The following ADRA1B variants were observed in gnomAD, a reference collection of about 807,000 sequenced individuals.
The protein encoded by ADRA1B is adrenoceptor alpha 1B, also known as alpha-1B adrenergic receptor.
A neutral mutation model predicts 17.9 loss-of-function variants in ADRA1B; 17 were observed. The ratio of observed to expected loss-of-function variants is 0.95; its 90% CI spans 0.65 to 1.42. The LOEUF (loss-of-function observed/expected upper bound fraction) is 1.42. ADRA1B is among the 40% of genes most tolerant of loss of function. The pLI, the probability that ADRA1B is intolerant of heterozygous loss-of-function variation, is 0.00. For synonymous variants in ADRA1B, 366 were observed against 327.6 expected (o/e 1.12, Z -1.27); for missense variants, 681 against 722.1 (o/e 0.94, Z 0.65).
chr5:159,883,920 A>C (rs959418775), intron 1 of ADRA1B, among the ~76,000 whole-genome samples: 28 of 152,160 alleles, frequency 1.8e-4, no homozygotes, highest in African/African-American at 6.5e-4. Context: ...TATCTACACT[A>C]TGAGGCAATA....
Position 159,972,691 on chromosome 5 carries a change from A to C in ADRA1B, c.*199A>C. 1.6e-6 allele frequency: 1 copy of C among 630,042 alleles called. No individual in the cohort carries two copies. The highest frequency in any genetic ancestry group is 3.8e-5 in the Admixed American group (1 of 26,204). The allele number at this position is 630,042 out of a possible 1,614,324, so 39.0% of individuals were successfully genotyped here. A position where few individuals can be genotyped will look rare whatever the true frequency, so the allele number is the denominator to read the frequency against. On this transcript the variant is annotated 3_prime_UTR_variant, in exon 2 of 2. Transcript: ENST00000306675. ...AGGTACCACGCGGAAAGCCGGGCCG[A>C]GCATGCTGAGAGCCTGGGGGACCCG...
upstream of ADRA1B, among the ~76,000 whole-genome samples, chr5:159,912,942 A>G (rs1203265194): frequency 2.0e-5 from 3 of 152,226 alleles, no homozygotes; most frequent in Admixed American, 6.5e-5. Context: ...GGTACTTAGC[A>G]TGGTGCTTAC....
At chr5:159,967,037 C>T (rs562252098) in intron 1 of ADRA1B, among the ~76,000 whole-genome samples, 1 of 152,276 alleles carries the variant, frequency 6.6e-6, no homozygotes, top group East Asian at 1.9e-4. Flanking sequence ...TGCAGTATGA[C>T]CCCATTTTTT....
chr5:159,886,908 G>C (rs978408414), intron 1 of ADRA1B, among the ~76,000 whole-genome samples: 2 of 152,090 alleles, frequency 1.3e-5, no homozygotes, highest in African/African-American at 4.8e-5. Context: ...TGGTTGTGGG[G>C]ATTAGATATG....
At chr5:159,942,453 T>C (rs1297979966) in intron 1 of ADRA1B, among the ~76,000 whole-genome samples, 4 of 152,204 alleles carry the variant, frequency 2.6e-5, no homozygotes, top group Non-Finnish European at 5.9e-5. Flanking sequence ...CTCTCACACA[T>C]TCATACAGTG....
chr5:159,937,425 C>G (rs1484305827), intron 1 of ADRA1B, among the ~76,000 whole-genome samples: 1 of 151,238 alleles, frequency 6.6e-6, no homozygotes, highest in Admixed American at 6.6e-5. Flanking sequence ...ATGCCAGATC[C>G]TAGCCTCTCT....
chr5:159,894,766 G>A (rs1754024109), intron 1 of ADRA1B, among the ~76,000 whole-genome samples: 2 of 152,184 alleles, frequency 1.3e-5, no homozygotes, highest in South Asian at 2.1e-4. Context: ...CCCCTCACAC[G>A]CATTCTCTCG....
chr5:159,892,177 C>T (rs1433045907), intron 1 of ADRA1B, among the ~76,000 whole-genome samples: 1 of 152,172 alleles, frequency 6.6e-6, no homozygotes, highest in African/African-American at 2.4e-5. Context: ...GTGGAGGTTG[C>T]AGTGAGCTGA....
chr5:159,886,137 A>G (rs1057045880), intron 1 of ADRA1B, among the ~76,000 whole-genome samples: 8 of 152,224 alleles, frequency 5.3e-5, no homozygotes, highest in Admixed American at 2.0e-4. Context: ...TGCTTAAGTA[A>G]TGGTGATGAT....
chr5:159,876,017 C>T (rs1263165795), intron 1 of ADRA1B, among the ~76,000 whole-genome samples: 1 of 151,956 alleles, frequency 6.6e-6, no homozygotes. Context: ...GGTAAAACCC[C>T]ATCTCTACTA....
At chr5:159,969,511 TC>T (rs1314721093) in intron 1 of ADRA1B, among the ~76,000 whole-genome samples, 3 of 152,220 alleles carry the variant, frequency 2.0e-5, no homozygotes, top group African/African-American at 7.2e-5. Flanking sequence ...CTCAGAGATT[TC>T]CAGCTACTCT....
chr5:159,890,761 T>A (rs1384230096), intron 1 of ADRA1B, among the ~76,000 whole-genome samples: 4 of 152,198 alleles, frequency 2.6e-5, no homozygotes, highest in African/African-American at 4.8e-5. Context: ...TTCTACCACA[T>A]TCTATTGGTC....
chr5:159,924,643 C>T (rs1368504041), intron 1 of ADRA1B, among the ~76,000 whole-genome samples: 1 of 152,146 alleles, frequency 6.6e-6, no homozygotes, highest in African/African-American at 2.4e-5. Context: ...GCACCCACCC[C>T]TGCTGGAGCA....
At chr5:159,971,856 G>GGGGGCC in intron 1 of ADRA1B, 23 bp from the exon 2 acceptor site, 1 of 1,306,262 alleles carries the variant, frequency 7.7e-7, no homozygotes, top group Non-Finnish European at 9.8e-7. Context: ...TTCTGCCCGT[G>GGGGGCC]CCCACCCCCC....
At chr5:159,941,914 G>A (rs908421682) in intron 1 of ADRA1B, among the ~76,000 whole-genome samples, 1 of 147,878 alleles carries the variant, frequency 6.8e-6, no homozygotes, top group African/African-American at 2.5e-5. Context: ...ATGGGTACTG[G>A]GTTTCTTTTT....
intron 1 of ADRA1B, among the ~76,000 whole-genome samples, chr5:159,903,191 C>T (rs1295552769): frequency 6.6e-6 from 1 of 152,146 alleles, no homozygotes; most frequent in Non-Finnish European, 1.5e-5. Flanking sequence ...CCCTGAAAAG[C>T]ATCAAGGTTC....
At chr5:159,897,529 C>A (rs1754052381) in intron 1 of ADRA1B, among the ~76,000 whole-genome samples, 1 of 151,960 alleles carries the variant, frequency 6.6e-6, no homozygotes. Flanking sequence ...AGCAGGTAGC[C>A]ATTTAGGTGG....
chr5:159,948,225 TACAG>T, intron 1 of ADRA1B: 1 of 985,446 alleles, frequency 1.0e-6, no homozygotes, highest in Non-Finnish European at 1.2e-6. Context: ...CCTCCTGCAT[TACAG>T]CACAGATTAT....
At chr5:159,866,755 A>G (rs1291925960) in intron 1 of ADRA1B, 1 of 152,138 alleles carries the variant, frequency 6.6e-6, no homozygotes, top group Non-Finnish European at 1.5e-5. Context: ...TGGGGCAAGA[A>G]TTTTCTGCAA....
Sources: allele counts gnomAD v4.1 joint callset (sites outside exome capture counted in the v4.1 genomes callset), GRCh38; gene constraint gnomAD v4.1.1; transcripts MANE v1.5; gene names NCBI Gene and HGNC (gene_info 2026-07-23, HGNC 2026-07-21).